The following NFIB variants were observed in gnomAD, a reference collection of about 807,000 sequenced individuals.
The protein encoded by NFIB is nuclear factor I B, also known as nuclear factor 1 B-type.
NFIB carries 11 observed loss-of-function variants against 61.5 expected under a neutral mutation model. The ratio of observed to expected loss-of-function variants is 0.18; its 90% confidence interval spans 0.11 to 0.30. The LOEUF (loss-of-function observed/expected upper bound fraction) is 0.30, where lower values mean the gene tolerates loss of function less well. NFIB is among the 10% of genes least tolerant of loss of function. The pLI, the probability that NFIB is intolerant of heterozygous loss-of-function variation, is 1.00. For missense variants in NFIB, 471 were observed against 608.9 expected, an observed-to-expected ratio of 0.77 and a Z score of 2.38; for synonymous variants, 260 against 216.5, an observed-to-expected ratio of 1.20 and a Z score of -1.76.
chr9:14,208,220 C>A (rs2049949296), intron 2 of NFIB, among the ~76,000 whole-genome samples: 1 of 151,994 alleles, frequency 6.6e-6, no homozygotes, highest in Non-Finnish European at 1.5e-5. Flanking sequence ...ATCTATACAA[C>A]AAAGCAATAC....
chr9:14,150,005 G>T, intron 5 of NFIB, 140 bp downstream of exon 5: 1 of 1,219,474 alleles, frequency 8.2e-7, no homozygotes, highest in South Asian at 1.6e-5. Flanking sequence ...ATTTAACCAG[G>T]AAAGATTAAA....
At chr9:14,339,559 C>A (rs1388193694) in intron 1 of NFIB, among the ~76,000 whole-genome samples, 1 of 152,190 alleles carries the variant, frequency 6.6e-6, no homozygotes, top group Non-Finnish European at 1.5e-5. Flanking sequence ...CTGGTAGTAG[C>A]AACACCTCTA....
intron 1 of NFIB, among the ~76,000 whole-genome samples, chr9:14,340,379 A>C (rs561467596): frequency 1.3e-5 from 2 of 152,284 alleles, no homozygotes; most frequent in African/African-American, 4.8e-5. Flanking sequence ...AAACATTAGA[A>C]TCGCCCAGGG....
the NFIB span, among the ~76,000 whole-genome samples, chr9:14,495,223 C>A: frequency 7.9e-5 from 12 of 152,126 alleles, no homozygotes; most frequent in Non-Finnish European, 2.9e-5. Context: ...CACACGTAGA[C>A]CTCATCTGAA....
the NFIB span, among the ~76,000 whole-genome samples, chr9:14,497,293 C>T: frequency 6.6e-6 from 1 of 152,124 alleles, no homozygotes; most frequent in Non-Finnish European, 1.5e-5. Flanking sequence ...ATAAGGTGAA[C>T]ATGGGACAGG....
chr9:14,521,903 A>G, the NFIB span, among the ~76,000 whole-genome samples: 37 of 152,186 alleles, frequency 2.4e-4, 1 homozygote, highest in Non-Finnish European at 3.2e-4. Context: ...AGTTTAGAGA[A>G]TATTCATCAA....
intron 1 of NFIB, among the ~76,000 whole-genome samples, chr9:14,324,587 A>T (rs1341530316): frequency 6.6e-6 from 1 of 152,134 alleles, no homozygotes; most frequent in Non-Finnish European, 1.5e-5. Flanking sequence ...TGAGACACAA[A>T]ATAGGAAAAG....
At chr9:14,102,200 T>C (rs2035880482) in intron 10 of NFIB, among the ~76,000 whole-genome samples, 1 of 152,106 alleles carries the variant, frequency 6.6e-6, no homozygotes, top group Non-Finnish European at 1.5e-5. Flanking sequence ...TTTTATAGCA[T>C]TTAAAAATTC....
the NFIB span, among the ~76,000 whole-genome samples, chr9:14,507,663 T>C: frequency 6.6e-6 from 1 of 152,178 alleles, no homozygotes. Flanking sequence ...TATATCTTAA[T>C]CTTCTCCATG....
intron 2 of NFIB, among the ~76,000 whole-genome samples, chr9:14,301,351 C>T (rs1233831997): frequency 1.3e-5 from 2 of 152,188 alleles, no homozygotes; most frequent in Non-Finnish European, 2.9e-5. Context: ...TTTTACCACA[C>T]AAGAGACATT....
intron 7 of NFIB, among the ~76,000 whole-genome samples, chr9:14,122,100 T>TG (rs71304901): frequency 0.29 from 38,389 of 132,858 alleles, 5,621 homozygotes; most frequent in African/African-American, 0.45. Flanking sequence ...TTAAAGAATA[T>TG]GAAAAAAAAT....
chr9:14,095,767 T>C (rs1320599500), intron 10 of NFIB, among the ~76,000 whole-genome samples: 1 of 152,206 alleles, frequency 6.6e-6, no homozygotes, highest in Non-Finnish European at 1.5e-5. Context: ...TGTATCAGAA[T>C]GCTGAAGCAT....
chr9:14,197,330 G>A (rs1235234944), intron 2 of NFIB, among the ~76,000 whole-genome samples: 1 of 151,006 alleles, frequency 6.6e-6, no homozygotes, highest in Admixed American at 6.6e-5. Flanking sequence ...AGTCCACTGG[G>A]GTATTAGAAC....
At chr9:14,197,443 T>C (rs898083314) in intron 2 of NFIB, among the ~76,000 whole-genome samples, 1 of 152,222 alleles carries the variant, frequency 6.6e-6, no homozygotes, top group East Asian at 1.9e-4. Context: ...ATTGAGTTAT[T>C]TGCAAATGGA....
chr9:14,237,824 C>A (rs1324908059), intron 2 of NFIB, among the ~76,000 whole-genome samples: 1 of 105,836 alleles, frequency 9.4e-6, no homozygotes, highest in East Asian at 3.3e-4. Flanking sequence ...GTAAGCTCCT[C>A]ACCCTGCTAG....
At chr9:14,131,419 G>A (rs931789964) in intron 6 of NFIB, among the ~76,000 whole-genome samples, 7 of 152,026 alleles carry the variant, frequency 4.6e-5, no homozygotes, top group Admixed American at 1.3e-4. Flanking sequence ...TTTATTTCAC[G>A]TCATCACTTC....
the NFIB span, among the ~76,000 whole-genome samples, chr9:14,515,859 G>C: frequency 0.059 from 9,037 of 152,268 alleles, 296 homozygotes; most frequent in Non-Finnish European, 0.066. Flanking sequence ...CTACCATGCT[G>C]CCCGACCTCA....
At chr9:14,451,639 C>T in the NFIB span, among the ~76,000 whole-genome samples, 2 of 152,142 alleles carry the variant, frequency 1.3e-5, no homozygotes, top group Admixed American at 1.3e-4. Context: ...ATCCAGTTGC[C>T]ACATACAAAT....
intron 8 of NFIB, among the ~76,000 whole-genome samples, chr9:14,118,989 CAG>C (rs954767886): frequency 1.3e-5 from 2 of 151,890 alleles, no homozygotes; most frequent in Admixed American, 6.6e-5. Flanking sequence ...TTTCCCCTAA[CAG>C]TGCCTAATTA....
Sources: allele counts gnomAD v4.1 joint callset (sites outside exome capture counted in the v4.1 genomes callset), GRCh38; gene constraint gnomAD v4.1.1; transcripts MANE v1.5; gene names NCBI Gene and HGNC (gene_info 2026-07-23, HGNC 2026-07-21).